NUP93: variants seen among roughly 807,000 people sequenced by gnomAD.
NUP93 encodes nucleoporin 93, also known as nuclear pore complex protein Nup93.
In NUP93, 55 loss-of-function variants were observed where a neutral mutation model predicts 107.8. The ratio of observed to expected loss-of-function variants is 0.51; its 90% CI spans 0.41 to 0.64. The LOEUF (loss-of-function observed/expected upper bound fraction) is 0.64. Ranked by LOEUF, NUP93 falls within the 30% of genes least tolerant of loss-of-function variation. The pLI is 0.00. For missense variants in NUP93, 937 were observed against 1,044.7 expected (o/e 0.90, Z 1.42); for synonymous variants, 390 against 397.5 (o/e 0.98, Z 0.22).
intron 3 of NUP93, among the ~76,000 whole-genome samples, chr16:56,796,867 G>C (rs10048067): frequency 0.27 from 40,409 of 152,052 alleles, 5,559 homozygotes; most frequent in Non-Finnish European, 0.29. Flanking sequence ...TCCCAGTTAG[G>C]AGGCTGAGGC....
chr16:56,848,287 A>G lies in NUP93; in HGVS notation c.*3678A>G, dbSNP rs1964138328. 6.6e-6 allele frequency: 1 copy of G among 152,074 alleles called. No homozygotes were observed. Among genetic ancestry groups the G allele is most frequent in the South Asian group, 2.1e-4 (1 of 4,824 alleles). The allele number at this position is 152,074 out of a possible 1,614,324, so 9.4% of individuals were successfully genotyped here. On this transcript the variant is annotated 3_prime_UTR_variant, in exon 22 of 22. Coordinates refer to ENST00000308159, the MANE Select transcript of NUP93 (RefSeq NM_014669.5). ...TTGGCAGTCCCCACACTGACTGCGA[A>G]CTCTCCCTTAGCCTCAGTCAGCTGG...
chr16:56,827,422 G>C (rs1463510275), intron 8 of NUP93, among the ~76,000 whole-genome samples: 1 of 152,202 alleles, frequency 6.6e-6, no homozygotes, highest in Non-Finnish European at 1.5e-5. Context: ...AAGATTGTTG[G>C]TGAATAGAAT....
intron 1 of NUP93, among the ~76,000 whole-genome samples, chr16:56,740,392 G>A (rs747374111): frequency 2.6e-4 from 39 of 150,300 alleles, no homozygotes; most frequent in African/African-American, 1.7e-4. Context: ...CAGATGGGGC[G>A]GCGGGGCAGA....
In NUP93 at chr16:56,783,529, A is replaced by G. The variant is rs1009042119; in HGVS notation, c.298-14947A>G. Reference sequence around the variant, plus strand: ...TTTTGTAAAGATGGAGGAAACCTCTAACACTGACCCTGTATGGGAGATGAC... The same window carrying G: ...TTTTGTAAAGATGGAGGAAACCTCTGACACTGACCCTGTATGGGAGATGAC... On this transcript the variant is annotated intron_variant, in intron 3 of 21. Transcript: ENST00000308159. The G allele has an allele frequency of 1.0e-5, 10 of 985,328 alleles. No individual in the cohort carries two copies. The African/African-American group carries it at 1.7e-4, about 17-fold the overall frequency. The allele number at this position is 985,328 out of a possible 1,614,324, so 61.0% of individuals were successfully genotyped here.
At chr16:56,822,641 A>G (rs1268039097) in intron 7 of NUP93, among the ~76,000 whole-genome samples, 7 of 147,452 alleles carry the variant, frequency 4.7e-5, no homozygotes, top group African/African-American at 1.0e-4. Flanking sequence ...GCTCACTGCA[A>G]CCTCCACCTC....
intron 5 of NUP93, among the ~76,000 whole-genome samples, chr16:56,810,083 A>G (rs1963280719): frequency 6.6e-6 from 1 of 152,216 alleles, no homozygotes; most frequent in Admixed American, 6.5e-5. Context: ...TTCTCGTAAA[A>G]ATAGAATAGT....
At chr16:56,752,821 G>A (rs1245032788) in intron 2 of NUP93, among the ~76,000 whole-genome samples, 1 of 152,158 alleles carries the variant, frequency 6.6e-6, no homozygotes, top group Non-Finnish European at 1.5e-5. Context: ...TGATGGAATG[G>A]AATTATTAAT....
intron 5 of NUP93, among the ~76,000 whole-genome samples, chr16:56,814,341 A>G (rs1370096301): frequency 6.6e-6 from 1 of 152,032 alleles, no homozygotes; most frequent in Non-Finnish European, 1.5e-5. Context: ...GCGTTCTGCC[A>G]CACCCAGCTA....
chr16:56,759,989 T>A (rs1225757187), intron 3 of NUP93, among the ~76,000 whole-genome samples: 1 of 152,196 alleles, frequency 6.6e-6, no homozygotes, highest in Non-Finnish European at 1.5e-5. Flanking sequence ...GATGTGAAAC[T>A]CCATTTTTTT....
At position 56,805,563 on chromosome 16, in the gene NUP93, G is replaced by T. The variant is rs746805088; in HGVS notation, c.420G>T (p.Val140=). 18 of 1,614,094 alleles carry T rather than the reference G, an allele frequency of 1.1e-5. No individual in the cohort carries two copies. In the South Asian group the frequency reaches 2.0e-4, roughly 18 times the overall value. ...CAATGTTGGTTGAGTGGGAGCAAGTGAAACAGCGAATTCTGCACACACTGC... is the reference window on the plus strand; with the variant it reads ...CAATGTTGGTTGAGTGGGAGCAAGTTAAACAGCGAATTCTGCACACACTGC... ...RESMLVEWEQ[V]KQRILHTLLA... is the part of the protein sequence containing the mutation. Residue 140 remains valine, a synonymous_variant, in exon 5 of 22, where the codon GTG becomes GTT. Coordinates refer to ENST00000308159, the MANE Select transcript of NUP93 (RefSeq NM_014669.5).
intron 5 of NUP93, among the ~76,000 whole-genome samples, chr16:56,813,546 A>G (rs939593064): frequency 1.3e-5 from 2 of 152,116 alleles, no homozygotes; most frequent in African/African-American, 4.8e-5. Context: ...TAAAAACCTC[A>G]TCTCAACAGG....
rs769894093 is a variant in NUP93, at chr16:56,823,786, G to T, written c.734G>T (p.Arg245Leu). ...CCGGCAACGGATGCCCTGAAGAACC[G>T]CAGCAGCGTGGAAGTGCGCATGGAG... is the stretch of plus-strand genomic sequence containing the variant. Reference protein sequence around the residue: ...LTPATDALKNRSSVEVRMEFV... With the variant: ...LTPATDALKNLSSVEVRMEFV... Residue 245 changes from arginine (R) to leucine (L), a missense_variant, in exon 8 of 22, where the codon CGC becomes CTC. Coordinates refer to ENST00000308159, the MANE Select transcript of NUP93 (RefSeq NM_014669.5). 2.5e-6 allele frequency: 4 copies of T among 1,614,178 alleles called. No individual in the cohort carries two copies. Among genetic ancestry groups the T allele is most frequent in the South Asian group, 1.1e-5 (1 of 91,090 alleles).
intron 5 of NUP93, among the ~76,000 whole-genome samples, chr16:56,814,364 G>GT (rs1259317749): frequency 1.3e-5 from 2 of 151,948 alleles, no homozygotes; most frequent in African/African-American, 4.8e-5. Flanking sequence ...TTTTGTTTTT[G>GT]TTTTTTGTAG....
chr16:56,732,840 G>A (rs746627031), intron 1 of NUP93, among the ~76,000 whole-genome samples: 1 of 152,204 alleles, frequency 6.6e-6, no homozygotes, highest in Non-Finnish European at 1.5e-5. Context: ...CCTGTTATGT[G>A]CCAGACTTAA....
intron 6 of NUP93, among the ~76,000 whole-genome samples, chr16:56,819,004 T>C (rs1417925656): frequency 3.9e-5 from 6 of 152,222 alleles, no homozygotes; most frequent in African/African-American, 7.2e-5. Context: ...AATAGTCCCA[T>C]GTACAGTAAA....
At chr16:56,783,203 G>T (rs1311454258) in intron 3 of NUP93, among the ~76,000 whole-genome samples, 1 of 152,218 alleles carries the variant, frequency 6.6e-6, no homozygotes, top group African/African-American at 2.4e-5. Context: ...TGTGGGACCT[G>T]TGGGGTCTGG....
At chr16:56,756,783 T>C (rs1303162425) in intron 2 of NUP93, among the ~76,000 whole-genome samples, 3 of 152,224 alleles carry the variant, frequency 2.0e-5, no homozygotes, top group Non-Finnish European at 4.4e-5. Flanking sequence ...TTCCTGTTTC[T>C]TCACAGCCTT....
chr16:56,826,875 T>G (rs919641617), intron 8 of NUP93, among the ~76,000 whole-genome samples: 3 of 151,328 alleles, frequency 2.0e-5, no homozygotes, highest in Non-Finnish European at 4.4e-5. Context: ...GTGAAACCCC[T>G]TCTCTACTAA....
chr16:56,747,246 C>T (rs1306462281), intron 1 of NUP93, among the ~76,000 whole-genome samples: 7 of 152,284 alleles, frequency 4.6e-5, no homozygotes, highest in South Asian at 4.1e-4. Flanking sequence ...GCGATCTGCC[C>T]GCCTCGGCCT....
Sources: gnomAD v4.1 joint callset for allele counts (sites outside exome capture counted in the v4.1 genomes callset) on GRCh38, gnomAD v4.1.1 for gene constraint, MANE v1.5 for transcripts, NCBI Gene and HGNC (gene_info 2026-07-23, HGNC 2026-07-21) for gene names.